The following SFMBT2 variants were observed in gnomAD, a reference collection of about 807,000 sequenced individuals.
SFMBT2 encodes Scm like with four mbt domains 2, also known as scm-like with four MBT domains protein 2.
SFMBT2 carries 38 observed loss-of-function variants against 110.1 expected under a neutral mutation model. The observed-to-expected ratio is 0.35, with a 90% CI of 0.27 to 0.45. SFMBT2 has a LOEUF of 0.45. Ranked by LOEUF, SFMBT2 falls within the 20% of genes least tolerant of loss-of-function variation. The pLI is 1.00. For missense variants in SFMBT2, 1,011 were observed against 1,094.9 expected, an observed-to-expected ratio of 0.92 and a Z score of 1.08; for synonymous variants, 425 against 425.4, an observed-to-expected ratio of 1.00 and a Z score of 0.01.
intron 16 of SFMBT2, among the ~76,000 whole-genome samples, chr10:7,182,633 C>T (rs1048585980): frequency 1.3e-5 from 2 of 148,254 alleles, no homozygotes; most frequent in Non-Finnish European, 3.0e-5. Flanking sequence ...AACCAAACAC[C>T]TCATGTTCTC....
intron 2 of SFMBT2, among the ~76,000 whole-genome samples, chr10:7,372,159 C>T (rs1202469969): frequency 2.6e-5 from 4 of 152,012 alleles, no homozygotes; most frequent in African/African-American, 9.7e-5. Context: ...CTCAGGTGAC[C>T]CTCCCTCCTC....
At chr10:7,213,571 C>G (rs1839428080) in intron 11 of SFMBT2, among the ~76,000 whole-genome samples, 1 of 152,198 alleles carries the variant, frequency 6.6e-6, no homozygotes, top group Non-Finnish European at 1.5e-5. Context: ...CCAGGACGTT[C>G]ACGGAGAAGA....
At chr10:7,229,657 T>C (rs1223133926) in intron 9 of SFMBT2, among the ~76,000 whole-genome samples, 1 of 150,948 alleles carries the variant, frequency 6.6e-6, no homozygotes, top group East Asian at 1.9e-4. Flanking sequence ...CCTCCACTTG[T>C]ATTCCCAAGC....
intron 4 of SFMBT2, among the ~76,000 whole-genome samples, chr10:7,286,930 C>T (rs1258274036): frequency 1.3e-5 from 2 of 152,052 alleles, no homozygotes; most frequent in Non-Finnish European, 2.9e-5. Flanking sequence ...TAAAATGAAT[C>T]TGGCAACAGT....
intron 1 of SFMBT2, among the ~76,000 whole-genome samples, chr10:7,384,228 A>AC: frequency 6.7e-6 from 1 of 149,726 alleles, no homozygotes; most frequent in Non-Finnish European, 1.5e-5. Flanking sequence ...AAAAAAAAAA[A>AC]AAAAAAAAAA....
intron 4 of SFMBT2, among the ~76,000 whole-genome samples, chr10:7,315,115 C>G (rs139477990): frequency 5.2e-5 from 6 of 115,876 alleles, no homozygotes; most frequent in African/African-American, 9.5e-5. Context: ...AAAGAAAAAG[C>G]AAGCAAGCAA....
chr10:7,219,742 T>C (rs1468086760), intron 11 of SFMBT2: 1 of 354,754 alleles, frequency 2.8e-6, no homozygotes, highest in African/African-American at 2.2e-5. Flanking sequence ...CACAGAAAGA[T>C]GGGAAAGTCT....
upstream of SFMBT2, among the ~76,000 whole-genome samples, chr10:7,411,121 TGCGTGC>T (rs1056941352): frequency 4.2e-5 from 6 of 143,502 alleles, no homozygotes; most frequent in African/African-American, 1.3e-4. Context: ...TGTATGTGTG[TGCGTGC>T]GCGTGCAGCG....
chr10:7,355,345 T>C (rs912235670), intron 4 of SFMBT2, among the ~76,000 whole-genome samples: 6 of 152,132 alleles, frequency 3.9e-5, no homozygotes, highest in Admixed American at 6.5e-5. Context: ...TTTTCAGCAC[T>C]GAATCTCATT....
intron 5 of SFMBT2, chr10:7,285,634 C>G (rs1842062776): frequency 2.1e-6 from 1 of 482,470 alleles, no homozygotes; most frequent in Admixed American, 3.7e-5. Flanking sequence ...ATTGGATTCA[C>G]ATAGAGCAAA....
At chr10:7,221,597 A>T (rs1214519176) in intron 10 of SFMBT2, among the ~76,000 whole-genome samples, 1 of 150,720 alleles carries the variant, frequency 6.6e-6, no homozygotes. Context: ...AGATTTTTTC[A>T]TAATAGTGTA....
chr10:7,375,751 C>CCACACACACCA (rs1554811584), intron 2 of SFMBT2, among the ~76,000 whole-genome samples: 32 of 124,676 alleles, frequency 2.6e-4, no homozygotes, highest in Non-Finnish European at 5.0e-4. Context: ...AAAGAAAAAA[C>CCACACACACCA]CACACACACA....
In SFMBT2 at chr10:7,217,767, T is replaced by C. The variant is rs138810214; in HGVS notation, c.1330+2644A>G. Among the ~76,000 whole-genome samples the C allele has an allele frequency of 2.9e-3, 443 of 152,316 alleles. 5 individuals carry two copies. The highest frequency in any genetic ancestry group is 0.02 in the South Asian group (95 of 4,834). On this transcript the variant is annotated intron_variant, in intron 11 of 20. Transcript: ENST00000397167. The stretch of plus-strand genomic sequence containing the variant: ...AAGACTGAAAGTAACTTGTATTATA[T>C]GAACAATATTCACAGTTACAGACAT...
intron 9 of SFMBT2, among the ~76,000 whole-genome samples, chr10:7,236,761 G>T (rs1488297701): frequency 1.3e-5 from 2 of 152,060 alleles, no homozygotes; most frequent in African/African-American, 2.4e-5. Context: ...TACAGGGAAA[G>T]ATGGCTGTTT....
intron 7 of SFMBT2, among the ~76,000 whole-genome samples, chr10:7,260,403 TC>T: frequency 6.6e-6 from 1 of 152,172 alleles, no homozygotes; most frequent in Admixed American, 6.5e-5. Flanking sequence ...GTTCTTTTCA[TC>T]CTCCTCCTTC....
intron 7 of SFMBT2, among the ~76,000 whole-genome samples, chr10:7,255,900 A>G (rs2767705): frequency 0.025 from 3,800 of 152,296 alleles, 164 homozygotes; most frequent in African/African-American, 0.087. Context: ...AGCCTTTTCG[A>G]TTTCAGGTTT....
rs543129032 is a variant in SFMBT2, at chr10:7,176,108, G to A, written c.1866C>T (p.Val622=). The change falls in exon 17 of 21, where the codon GTC becomes GTT. Residue 622 remains valine (V), a synonymous_variant. Transcript: ENST00000397167. Reference sequence around the variant, plus strand: ...CACAGACTCGGCGGCAGAAATTTGCGACTTGGTCAGATGTCCGTACGATTT... The same window carrying A: ...CACAGACTCGGCGGCAGAAATTTGCAACTTGGTCAGATGTCCGTACGATTT... ...VVKIVRTSDQ[V]ANFCRRVCAK... The A allele has an allele frequency of 5.3e-5, 86 of 1,614,124 alleles. No individual in the cohort carries two copies. In the East Asian group the frequency reaches 1.3e-3, roughly 25 times the overall value.
intron 3 of SFMBT2, among the ~76,000 whole-genome samples, chr10:7,369,129 C>T (rs972387139): frequency 6.6e-6 from 1 of 152,068 alleles, no homozygotes; most frequent in Non-Finnish European, 1.5e-5. Flanking sequence ...GAGTTCGAGG[C>T]CAACTCAGGC....
intron 20 of SFMBT2, among the ~76,000 whole-genome samples, chr10:7,169,137 T>C (rs907547956): frequency 6.6e-6 from 1 of 152,070 alleles, no homozygotes; most frequent in African/African-American, 2.4e-5. Flanking sequence ...TAATTTTTTT[T>C]TTTTCTTCAG....
Sources: allele counts gnomAD v4.1 joint callset (sites outside exome capture counted in the v4.1 genomes callset), GRCh38; gene constraint gnomAD v4.1.1; transcripts MANE v1.5; gene names NCBI Gene and HGNC (gene_info 2026-07-23, HGNC 2026-07-21).